Variants in SCTR observed in about 807,000 individuals in gnomAD.
SCTR encodes the protein secretin receptor.
Under a neutral mutation model 60.8 loss-of-function variants are expected in SCTR, and 56 were observed. That is an observed-to-expected ratio of 0.92 (90% CI 0.74 to 1.15). The LOEUF (loss-of-function observed/expected upper bound fraction) is 1.15, where lower values mean the gene tolerates loss of function less well. Ranked by LOEUF, SCTR falls within the 50% of genes most tolerant of loss-of-function variation. The probability of loss-of-function intolerance (pLI) is 0.00; values close to 1 mark genes in which losing one functional copy is unlikely to be tolerated. For missense variants in SCTR, 562 were observed against 550.4 expected, an observed-to-expected ratio of 1.02 and a Z score of -0.21; for synonymous variants, 202 against 217.0, an observed-to-expected ratio of 0.93 and a Z score of 0.61.
intron 12 of SCTR, among the ~76,000 whole-genome samples, chr2:119,440,889 T>C (rs1682632417): frequency 6.6e-6 from 1 of 152,234 alleles, no homozygotes; most frequent in African/African-American, 2.4e-5. Context: ...GATATTTGAT[T>C]TTTGGGAAAC....
chr2:119,461,206 G>A (rs1419958697), intron 7 of SCTR, among the ~76,000 whole-genome samples: 3 of 152,360 alleles, frequency 2.0e-5, no homozygotes, highest in East Asian at 3.9e-4. Context: ...TCTGATGCCA[G>A]CAGTCAAAAG....
intron 7 of SCTR, among the ~76,000 whole-genome samples, chr2:119,458,901 C>G (rs1683487512): frequency 6.6e-6 from 1 of 152,164 alleles, no homozygotes; most frequent in South Asian, 2.1e-4. Context: ...GGCAGAACCG[C>G]CAGTGCCAGC....
In SCTR at chr2:119,461,932, C is replaced by T. The variant is rs747817290; in HGVS notation, c.705G>A (p.Val235=). 1.9e-6 allele frequency: 3 copies of T among 1,613,856 alleles called. No individual in the cohort carries two copies. Among genetic ancestry groups the T allele is most frequent in the Admixed American group, 3.3e-5 (2 of 59,982 alleles). The stretch of plus-strand genomic sequence containing the variant: ...GGAGTGTGTGAAGGTAGAGGCCTTC[C>T]ACCAGCAGCCAGGAGTAGTTGGCCA... ...CIMANYSWLL[V]EGLYLHTLLA... Residue 235 remains valine, a synonymous_variant, in exon 7 of 13, where the codon GTG becomes GTA. Coordinates refer to ENST00000019103, the MANE Select transcript of SCTR (RefSeq NM_002980.3).
intron 9 of SCTR, among the ~76,000 whole-genome samples, chr2:119,451,162 G>C (rs1683150803): frequency 6.6e-6 from 1 of 152,118 alleles, no homozygotes; most frequent in African/African-American, 2.4e-5. Context: ...AGCCTGCACA[G>C]GACACTCACT....
intron 3 of SCTR, among the ~76,000 whole-genome samples, chr2:119,474,334 G>A (rs569294929): frequency 1.3e-5 from 2 of 152,320 alleles, no homozygotes; most frequent in East Asian, 3.9e-4. Context: ...TAGGGAAGAG[G>A]AGAGCACTTC....
chr2:119,459,139 T>C (rs1683499459), intron 7 of SCTR, among the ~76,000 whole-genome samples: 1 of 152,272 alleles, frequency 6.6e-6, no homozygotes, highest in East Asian at 1.9e-4. Context: ...ATCACTGTGC[T>C]ATTTATAATA....
chr2:119,507,677 T>C (rs1007601280), intron 1 of SCTR, among the ~76,000 whole-genome samples: 1 of 127,334 alleles, frequency 7.9e-6, no homozygotes, highest in African/African-American at 2.8e-5. Context: ...TTTTTTTTTT[T>C]TTCTTTTTTT....
intron 8 of SCTR, among the ~76,000 whole-genome samples, chr2:119,453,019 C>T (rs1166636366): frequency 2.0e-5 from 3 of 152,138 alleles, no homozygotes; most frequent in Non-Finnish European, 2.9e-5. Flanking sequence ...CCTGGAGCCC[C>T]GTAGCTCTTG....
chr2:119,504,266 C>G (rs1189567079), intron 1 of SCTR, among the ~76,000 whole-genome samples: 1 of 152,138 alleles, frequency 6.6e-6, no homozygotes, highest in Non-Finnish European at 1.5e-5. Context: ...AAATGGATCA[C>G]GGGCTTAAAT....
intron 1 of SCTR, among the ~76,000 whole-genome samples, chr2:119,505,086 T>G (rs532837604): frequency 6.6e-6 from 1 of 152,302 alleles, no homozygotes; most frequent in South Asian, 2.1e-4. Flanking sequence ...TTGGTGGAAC[T>G]GTAAACTAGT....
At chr2:119,483,225 T>G (rs1433342874) in intron 2 of SCTR, among the ~76,000 whole-genome samples, 2 of 152,214 alleles carry the variant, frequency 1.3e-5, no homozygotes, top group Non-Finnish European at 2.9e-5. Flanking sequence ...AGGCCTGTGC[T>G]GGATGCACAT....
At chr2:119,443,629 C>G (rs1055881391) in intron 11 of SCTR, among the ~76,000 whole-genome samples, 1 of 152,166 alleles carries the variant, frequency 6.6e-6, no homozygotes, top group Admixed American at 6.5e-5. Flanking sequence ...TCACTGCAAC[C>G]TCTGCCTCCC....
chr2:119,462,590 C>G (rs1191685662), intron 6 of SCTR, among the ~76,000 whole-genome samples: 2 of 152,184 alleles, frequency 1.3e-5, no homozygotes, highest in African/African-American at 4.8e-5. Context: ...CAGGCATGTC[C>G]CCTGCAGGGA....
At chr2:119,496,731 C>T (rs959545177) in intron 1 of SCTR, among the ~76,000 whole-genome samples, 1 of 152,126 alleles carries the variant, frequency 6.6e-6, no homozygotes, top group Admixed American at 6.5e-5. Flanking sequence ...TGATCTTTAG[C>T]CAACGACCAG....
rs1683620450 is a variant in SCTR, at chr2:119,461,882, C to T, written c.755G>A (p.Arg252Lys). ...TLLAISFFSERKYLQGFVAFG... is the reference protein window; with the variant it reads ...TLLAISFFSEKKYLQGFVAFG... Reference sequence around the variant, plus strand: ...TGCCACAAATCCCTGGAGGTACTTTCTTTCAGAGAAGAAGGAGATGGCGAG... The same window carrying T: ...TGCCACAAATCCCTGGAGGTACTTTTTTTCAGAGAAGAAGGAGATGGCGAG... The change falls in exon 7 of 13, where the codon AGA becomes AAA. Residue 252 changes from arginine to lysine, a missense_variant. Coordinates refer to ENST00000019103, the MANE Select transcript of SCTR (RefSeq NM_002980.3). 6.2e-7 allele frequency: 1 copy of T among 1,613,958 alleles called. No homozygotes were observed.
intron 1 of SCTR, among the ~76,000 whole-genome samples, chr2:119,520,007 T>C (rs981962640): frequency 1.6e-4 from 24 of 152,066 alleles, no homozygotes; most frequent in Admixed American, 9.2e-4. Context: ...AAGTGAGTGT[T>C]AGTGTTAGGA....
At position 119,464,204 on chromosome 2, in the gene SCTR, G is replaced by A. The variant is rs368010804; in HGVS notation, c.555C>T (p.Phe185=). Residue 185 remains phenylalanine (F), a synonymous_variant, in exon 6 of 13, where the codon TTC becomes TTT. Transcript: ENST00000019103. ...TGAAGTTGGACAGGGCACGAAGGAT[G>A]AAGGACACGAACAGGTGCATGTGGA... ...NYIHMHLFVS[F]ILRALSNFIK... is the part of the protein sequence containing the mutation. 4.3e-6 allele frequency: 7 copies of A among 1,614,062 alleles called. No homozygotes were observed. Among genetic ancestry groups the A allele is most frequent in the African/African-American group, 1.3e-5 (1 of 74,924 alleles).
At chr2:119,480,511 G>A (rs1274973518) in intron 2 of SCTR, among the ~76,000 whole-genome samples, 2 of 152,324 alleles carry the variant, frequency 1.3e-5, no homozygotes, top group Admixed American at 6.5e-5. Context: ...TTCAAGATGA[G>A]ATTTGAGTGG....
intron 1 of SCTR, among the ~76,000 whole-genome samples, chr2:119,498,192 G>T (rs1678419354): frequency 6.6e-6 from 1 of 152,186 alleles, no homozygotes; most frequent in African/African-American, 2.4e-5. Flanking sequence ...TTTTCCATCA[G>T]AAGTTACAGG....
Sources: allele counts gnomAD v4.1 joint callset (sites outside exome capture counted in the v4.1 genomes callset), GRCh38; gene constraint gnomAD v4.1.1; transcripts MANE v1.5; gene names NCBI Gene and HGNC (gene_info 2026-07-23, HGNC 2026-07-21).